The following LIG4 variants were observed in gnomAD, a reference collection of about 807,000 sequenced individuals.
LIG4 encodes the protein DNA ligase 4.
Under a neutral mutation model 19.0 loss-of-function variants are expected in LIG4, and 13 were observed. The ratio of observed to expected loss-of-function variants is 0.68; its 90% confidence interval spans 0.44 to 1.09. The LOEUF (loss-of-function observed/expected upper bound fraction) is 1.09. LIG4 is among the 50% of genes least tolerant of loss of function. The pLI, the probability that LIG4 is intolerant of heterozygous loss-of-function variation, is 0.00. For missense variants in LIG4, 1,026 were observed against 1,089.7 expected, an observed-to-expected ratio of 0.94 and a Z score of 0.82; for synonymous variants, 361 against 358.2, an observed-to-expected ratio of 1.01 and a Z score of -0.09.
In LIG4 at chr13:108,208,775, T is replaced by C. The variant is rs1429076674; in HGVS notation, c.2494A>G (p.Lys832Glu). ...ATAGCTAACCTTGTCCCCTCATTTT[T>C]GGTACTCAGGTCATTAATAACAGCA... is the stretch of plus-strand genomic sequence containing the variant. ...SYAVINDLSTKNEGTRLAIKA... is the reference protein window; with the variant it reads ...SYAVINDLSTENEGTRLAIKA... The change falls in exon 3 of 3, where the codon AAA (lysine) becomes GAA (glutamate). Residue 832 changes from lysine to glutamate, a missense_variant. Around this residue, in one of 3 missense-constraint regions of LIG4, gnomAD observed 521 missense variants for 515.5 expected, o/e 1.01. Transcript: ENST00000442234. The C allele has an allele frequency of 2.5e-6, 4 of 1,614,074 alleles. No individual in the cohort carries two copies. The highest frequency in any genetic ancestry group is 3.4e-6 in the Non-Finnish European group (4 of 1,180,040).
rs144322912 is a variant in LIG4, at chr13:108,210,175, C to A, written c.1094G>T (p.Cys365Phe). ...VEDSDLQTCYCVFDVLMVNNK... is the reference protein window; with the variant it reads ...VEDSDLQTCYFVFDVLMVNNK... ...ATTAACCATCAATACATCAAAAACA[C>A]AATAACAAGTTTGCAGATCAGAATC... Residue 365 changes from cysteine (C) to phenylalanine (F), a missense_variant, in exon 3 of 3, where the codon TGT (cysteine) becomes TTT (phenylalanine). By Grantham distance (205) the Cys-to-Phe change is radical (BLOSUM62 -2). Coordinates refer to ENST00000442234, the MANE Select transcript of LIG4 (RefSeq NM_206937.2). The A allele has an allele frequency of 5.2e-5, 84 of 1,613,632 alleles. 1 individual carries two copies. In the East Asian group the frequency reaches 1.8e-3, roughly 34 times the overall value.
In LIG4 at chr13:108,209,369, T is replaced by C. The variant is rs1341610747; in HGVS notation, c.1900A>G (p.Met634Val). 2 of 1,614,134 alleles carry C rather than the reference T, an allele frequency of 1.2e-6. No homozygotes were observed. Among genetic ancestry groups the C allele is most frequent in the South Asian group, 1.1e-5 (1 of 91,084 alleles). Residue 634 changes from methionine to valine, a missense_variant, in exon 3 of 3, where the codon ATG (methionine) becomes GTG (valine). Physicochemically the swap from Met to Val is conservative, Grantham distance 21 (BLOSUM62 1). Transcript: ENST00000442234. ...TCAATAATTCCAATAACTTTCTTCA[T>C]CTTTGGGGCAGCTTTCCGCTTTTTT... ...QEKKRKAAPK[M>V]KKVIGIIEHL...
In LIG4 at chr13:108,211,313, A is replaced by G; in HGVS notation, c.-28-17T>C. 4 of 1,358,970 alleles carry G rather than the reference A, an allele frequency of 2.9e-6. No individual in the cohort carries two copies. The highest frequency in any genetic ancestry group is 4.2e-6 in the Non-Finnish European group (4 of 956,256). The allele number at this position is 1,358,970 out of a possible 1,614,324, so 84.2% of individuals were successfully genotyped here. A position where few individuals can be genotyped will look rare whatever the true frequency, so the allele number is the denominator to read the frequency against. ...CTCGTTTAACTAGTAAAGCAAAAAG[A>G]GAATAACTTTAAGTAAAAGATAAGA... On this transcript the variant is annotated splice_polypyrimidine_tract_variant and intron_variant, in intron 2 of 2. Coordinates refer to ENST00000442234, the MANE Select transcript of LIG4 (RefSeq NM_206937.2).
chr13:108,214,045 T>C (rs1396793052), intron 2 of LIG4, among the ~76,000 whole-genome samples: 1 of 152,180 alleles, frequency 6.6e-6, no homozygotes, highest in Non-Finnish European at 1.5e-5. Context: ...ACAATAACGA[T>C]TCATCATTCA....
At chr13:108,214,200 G>GAAGTATCCTTCATGCAACCC (rs1878967162) in intron 2 of LIG4, among the ~76,000 whole-genome samples, 1 of 152,172 alleles carries the variant, frequency 6.6e-6, no homozygotes, top group African/African-American at 2.4e-5. Flanking sequence ...GAATGCAACT[G>GAAGTATCCTTCATGCAACCC]AAGTATCCTT....
chr13:108,218,268 A>C (rs12868340), upstream of LIG4: 35,003 of 152,134 alleles, frequency 0.23, 4,173 homozygotes, highest in African/African-American at 0.25. Context: ...TGCTCGGAGG[A>C]GGGTGGAAGG....
At chr13:108,211,441 A>G in intron 2 of LIG4, 145 bp from the exon 3 acceptor site, 2 of 647,566 alleles carry the variant, frequency 3.1e-6, no homozygotes, top group Non-Finnish European at 5.4e-6. Flanking sequence ...TAAATGATGT[A>G]TCTTTTCAAC....
upstream of LIG4, among the ~76,000 whole-genome samples, chr13:108,216,238 C>G (rs975083165): frequency 2.0e-5 from 3 of 152,052 alleles, no homozygotes; most frequent in Non-Finnish European, 1.5e-5. Context: ...TTTTTGTGTT[C>G]CAGGAGCTGT....
Position 108,210,221 on chromosome 13 carries a change from C to G in LIG4, c.1048G>C (p.Asp350His), listed in dbSNP as rs747868033. 1 of 1,613,666 alleles carries G rather than the reference C, an allele frequency of 6.2e-7. No individual in the cohort carries two copies. The highest frequency in any genetic ancestry group is 1.1e-5 in the South Asian group (1 of 91,046). The change falls in exon 3 of 3, where the codon GAT becomes CAT. Residue 350 changes from aspartate to histidine, a missense_variant. Coordinates refer to ENST00000442234, the MANE Select transcript of LIG4 (RefSeq NM_206937.2). ...QTFMQKGTKF[D>H]IKRMVEDSDL... ...GAATCCTCTACCATTCTTTTAATAT[C>G]AAACTTAGTTCCCTTTTGCATGAAA...
Position 108,208,841 on chromosome 13 carries a change from G to A in LIG4, c.2428C>T (p.Leu810Phe), listed in dbSNP as rs767213565. The A allele has an allele frequency of 6.2e-6, 10 of 1,614,120 alleles. No individual in the cohort carries two copies. In the South Asian group the frequency reaches 1.1e-4, roughly 18 times the overall value. Residue 810 changes from leucine to phenylalanine, a missense_variant, in exon 3 of 3, where the codon CTC becomes TTC. Physicochemically the swap from Leu to Phe is conservative, Grantham distance 22. Transcript: ENST00000442234. ...EYRYSWDCSPLSMFRRHTVYL... is the reference protein window; with the variant it reads ...EYRYSWDCSPFSMFRRHTVYL... ...ACGGTGTGGCGTCGAAACATACTGA[G>A]AGGAGAGCAATCCCAGGAATACCGA...
At position 108,210,553 on chromosome 13, in the gene LIG4, G is replaced by T; in HGVS notation, c.716C>A (p.Ser239Tyr). 6.2e-7 allele frequency: 1 copy of T among 1,611,772 alleles called. No individual in the cohort carries two copies. Among genetic ancestry groups the T allele is most frequent in the East Asian group, 2.2e-5 (1 of 44,864 alleles). ...HDPSVGLSDI[S>Y]ITLFSAFKPM... ...TTTAAATGCAGAAAATAAAGTGATA[G>T]AAATATCACTGAGTCCTACAGAAGG... Residue 239 changes from serine (S) to tyrosine (Y), a missense_variant, in exon 3 of 3, where the codon TCT becomes TAT. Coordinates refer to ENST00000442234, the MANE Select transcript of LIG4 (RefSeq NM_206937.2).
chr13:108,208,056 T>G lies in LIG4; in HGVS notation c.*477A>C, dbSNP rs900162062. ...TATTTAAATGGGACATTTTAAACCC[T>G]GAGTAAAAAGACATATTTTTACAAG... On this transcript the variant is annotated 3_prime_UTR_variant, in exon 3 of 3. Coordinates refer to ENST00000442234, the MANE Select transcript of LIG4 (RefSeq NM_206937.2). 3.9e-5 allele frequency: 6 copies of G among 153,112 alleles called. No individual in the cohort carries two copies. Among genetic ancestry groups the G allele is most frequent in the Admixed American group, 1.3e-4 (2 of 15,332 alleles). 9.5% of individuals were successfully genotyped at this position (153,112 alleles called of 1,614,324 possible).
Position 108,210,270 on chromosome 13 carries a change from C to T in LIG4, c.999G>A (p.Met333Ile). The T allele has an allele frequency of 6.2e-7, 1 of 1,613,876 alleles. No homozygotes were observed. Among genetic ancestry groups the T allele is most frequent in the Non-Finnish European group, 8.5e-7 (1 of 1,179,882 alleles). The change falls in exon 3 of 3, where the codon ATG becomes ATA. Residue 333 changes from methionine (M) to isoleucine (I), a missense_variant. Transcript: ENST00000442234. ...AAGTTTGTGTATTAGGATTATAGGCCATCATCTCACCATCAAGAATACAGA... is the reference window on the plus strand; with the variant it reads ...AAGTTTGTGTATTAGGATTATAGGCTATCATCTCACCATCAAGAATACAGA... ...IQICILDGEM[M>I]AYNPNTQTFM...
At chr13:108,217,101 C>T (rs1354898758), upstream of LIG4, among the ~76,000 whole-genome samples, 2 of 152,186 alleles carry the variant, frequency 1.3e-5, no homozygotes, top group South Asian at 2.1e-4. Flanking sequence ...CACCACAGGC[C>T]GGGCCAGTGG....
upstream of LIG4, among the ~76,000 whole-genome samples, chr13:108,217,737 C>A (rs539059028): frequency 6.6e-6 from 1 of 151,622 alleles, no homozygotes; most frequent in East Asian, 1.9e-4. Context: ...TATGAAATAT[C>A]CTCTGTATAT....
At position 108,209,327 on chromosome 13, in the gene LIG4, T is replaced by G. The variant is rs1271457786; in HGVS notation, c.1942A>C (p.Asn648His). ...GAAATTTTGTTAACGTTAGTAAGGT[T>G]AGGTGCTTTTAAGTGCTCAATAATT... is the stretch of plus-strand genomic sequence containing the variant. ...IGIIEHLKAPNLTNVNKISNI... is the reference protein window; with the variant it reads ...IGIIEHLKAPHLTNVNKISNI... The change falls in exon 3 of 3, where the codon AAC becomes CAC. Residue 648 changes from asparagine (N) to histidine (H), a missense_variant. Asn to His is a moderately conservative substitution (Grantham distance 68). This residue lies in a region of LIG4 where 521 missense variants were observed against 515.5 expected (regional missense o/e 1.01). Coordinates refer to ENST00000442234, the MANE Select transcript of LIG4 (RefSeq NM_206937.2). 3 of 1,613,980 alleles carry G rather than the reference T, an allele frequency of 1.9e-6. No homozygotes were observed. Among genetic ancestry groups the G allele is most frequent in the Middle Eastern group, 1.6e-4 (1 of 6,084 alleles).
rs1205238937 is a variant in LIG4, at chr13:108,209,542, A to G, written c.1727T>C (p.Leu576Ser). 6.2e-7 allele frequency: 1 copy of G among 1,614,162 alleles called. No homozygotes were observed. Among genetic ancestry groups the G allele is most frequent in the Non-Finnish European group, 8.5e-7 (1 of 1,180,032 alleles). ...PSDMYKTGCT[L>S]RFPRIEKIRD... ...TATCTTTTCAATTCGTGGAAAACGCAAGGTGCAGCCAGTTTTATACATATC... is the reference window on the plus strand; with the variant it reads ...TATCTTTTCAATTCGTGGAAAACGCGAGGTGCAGCCAGTTTTATACATATC... The change falls in exon 3 of 3, where the codon TTG becomes TCG. Residue 576 changes from leucine (L) to serine (S), a missense_variant. Physicochemically the swap from Leu to Ser is moderately radical, Grantham distance 145 (BLOSUM62 -2). Coordinates refer to ENST00000442234, the MANE Select transcript of LIG4 (RefSeq NM_206937.2).
Position 108,209,599 on chromosome 13 carries a change from A to ATTG in LIG4, c.1669_1670insCAA (p.Val557delinsAlaIle). ...TACGATCTCTGCTGCTTTAATCTGA[A>ATTG]CAATGACAGAATTACAAGGTTCAAT... On this transcript the variant is annotated protein_altering_variant, in exon 3 of 3. Transcript: ENST00000442234. 6.2e-7 allele frequency: 1 copy of ATTG among 1,614,092 alleles called. No homozygotes were observed. Among genetic ancestry groups the ATTG allele is most frequent in the South Asian group, 1.1e-5 (1 of 91,074 alleles).
In LIG4 at chr13:108,208,488, A is replaced by G. The variant is rs1878155513; in HGVS notation, c.*45T>C. On this transcript the variant is annotated 3_prime_UTR_variant, in exon 3 of 3. Transcript: ENST00000442234. ...TATTTTATCATTACCACCTGCTGCA[A>G]TGAGTCTGCCAGATCAGAGGCTTTC... is the stretch of plus-strand genomic sequence containing the variant. 2 of 1,221,208 alleles carry G rather than the reference A, an allele frequency of 1.6e-6. No homozygotes were observed. The highest frequency in any genetic ancestry group is 2.4e-6 in the Non-Finnish European group (2 of 832,774). 75.6% of individuals were successfully genotyped at this position (1,221,208 alleles called of 1,614,324 possible). A position where few individuals can be genotyped will look rare whatever the true frequency, so the allele number is the denominator to read the frequency against.
Sources: gnomAD v4.1 joint callset for allele counts (sites outside exome capture counted in the v4.1 genomes callset) on GRCh38, gnomAD v4.1.1 for gene constraint, gnomAD v4.1.1 regional missense constraint, MANE v1.5 for transcripts, NCBI Gene and HGNC (gene_info 2026-07-23, HGNC 2026-07-21) for gene names.